Variants in PRKN observed in about 807,000 individuals in gnomAD.
PRKN encodes the protein E3 ubiquitin-protein ligase parkin.
A neutral mutation model predicts 59.5 loss-of-function variants in PRKN; 56 were observed. That is an observed-to-expected ratio of 0.94 (90% CI 0.76 to 1.18). The LOEUF (loss-of-function observed/expected upper bound fraction) is 1.18, where lower values mean the gene tolerates loss of function less well. Among genes scored for constraint, PRKN ranks in the 50% most tolerant of loss-of-function variants. PRKN has a pLI of 0.00. For missense variants in PRKN, 657 were observed against 596.4 expected, an observed-to-expected ratio of 1.10 and a Z score of -1.06; for synonymous variants, 250 against 222.1, an observed-to-expected ratio of 1.13 and a Z score of -1.12.
rs541122379 is a variant in PRKN, at chr6:161,916,348, T to C, written c.734+56954A>G. On this transcript the variant is annotated intron_variant, in intron 6 of 11. Transcript: ENST00000366898. The stretch of plus-strand genomic sequence containing the variant: ...AAAGACAATAAAAAATTTTTCTAAT[T>C]ACAGTATCATTCCATAAGTATACAA... 1.4e-4 allele frequency among the ~76,000 whole-genome samples: 22 copies of C among 152,330 alleles called. No homozygotes were observed. In the South Asian group the frequency reaches 4.6e-3, roughly 32 times the overall value.
chr6:162,644,943 G>C (rs1778108922), intron 1 of PRKN, among the ~76,000 whole-genome samples: 1 of 152,140 alleles, frequency 6.6e-6, no homozygotes, highest in Non-Finnish European at 1.5e-5. Context: ...GATGCATATA[G>C]AGAACTTAGC....
rs534978572 is a variant in PRKN, at chr6:161,354,889, C to T, written c.1286-4678G>A. Among the ~76,000 whole-genome samples, 21 of 152,272 alleles carry T rather than the reference C, an allele frequency of 1.4e-4. No individual in the cohort carries two copies. The South Asian group carries it at 3.7e-3, about 27-fold the overall frequency. ...ATCACAATATTTCCAAGAAATAGCC[C>T]GACAGGGAGAAACTTTCCTACAGTC... On this transcript the variant is annotated intron_variant, in intron 11 of 11. Coordinates refer to ENST00000366898, the MANE Select transcript of PRKN (RefSeq NM_004562.3). This position sits in a 1 kb window ranked among gnomAD's most constrained non-coding sequence, Gnocchi z 6.7.
chr6:162,025,040 G>C (rs1331490196), intron 5 of PRKN, among the ~76,000 whole-genome samples: 1 of 145,574 alleles, frequency 6.9e-6, no homozygotes, highest in East Asian at 2.0e-4. Flanking sequence ...TTTTGAGACG[G>C]AGTCTCGCTC....
chr6:161,951,917 T>TA (rs34079539), intron 6 of PRKN, among the ~76,000 whole-genome samples: 73 of 143,728 alleles, frequency 5.1e-4, no homozygotes, highest in East Asian at 1.4e-3. Flanking sequence ...GACTCCATCT[T>TA]AAAAAAAAAA....
At chr6:161,839,512 G>C (rs979622719) in intron 6 of PRKN, among the ~76,000 whole-genome samples, 1 of 152,106 alleles carries the variant, frequency 6.6e-6, no homozygotes, top group South Asian at 2.1e-4. Context: ...GCCCAGGAAA[G>C]TTCTGGCCCA....
intron 3 of PRKN, among the ~76,000 whole-genome samples, chr6:162,220,661 A>G (rs1456747375): frequency 6.6e-6 from 1 of 152,212 alleles, no homozygotes; most frequent in East Asian, 1.9e-4. Flanking sequence ...AACGAAAAAA[A>G]AGTCAAGATG....
rs561404600 is a variant in PRKN at position 161,538,177 on chromosome 6, C to T, written c.1083+10677G>A. ...ATAGGCCCGCTTGACAAATTACCTCCTAGAGTGCAAGAGTGAGGCTTATCT... is the reference window on the plus strand; with the variant it reads ...ATAGGCCCGCTTGACAAATTACCTCTTAGAGTGCAAGAGTGAGGCTTATCT... On this transcript the variant is annotated intron_variant, in intron 9 of 11. Coordinates refer to ENST00000366898, the MANE Select transcript of PRKN (RefSeq NM_004562.3). This position sits in a 1 kb window ranked among gnomAD's most constrained non-coding sequence, Gnocchi z 4.2. Among the ~76,000 whole-genome samples the T allele has an allele frequency of 3.9e-5, 6 of 152,128 alleles. No individual in the cohort carries two copies. Among genetic ancestry groups the T allele is most frequent in the Non-Finnish European group, 7.4e-5 (5 of 67,926 alleles).
chr6:161,658,015 CA>C (rs60685690), intron 7 of PRKN, among the ~76,000 whole-genome samples: 12,225 of 61,870 alleles, frequency 0.2, 1,187 homozygotes, highest in African/African-American at 0.39. Context: ...GACTCTGTCT[CA>C]AAAAAAAAAA....
At chr6:161,524,447 G>A (rs1188824015) in intron 9 of PRKN, among the ~76,000 whole-genome samples, 1 of 152,158 alleles carries the variant, frequency 6.6e-6, no homozygotes, top group African/African-American at 2.4e-5. Context: ...CTGGGCTCAA[G>A]TGATCCTCTT....
intron 1 of PRKN, among the ~76,000 whole-genome samples, chr6:162,667,765 A>C (rs1246859090): frequency 1.3e-5 from 2 of 152,122 alleles, no homozygotes; most frequent in African/African-American, 4.8e-5. Context: ...CACCACTTAG[A>C]GCTGAGTAAA....
chr6:162,103,690 G>C (rs1244996453), intron 4 of PRKN, among the ~76,000 whole-genome samples: 6 of 151,966 alleles, frequency 3.9e-5, no homozygotes, highest in Admixed American at 1.3e-4. Flanking sequence ...ATTGAAACTA[G>C]CACTCAGAGG....
chr6:162,296,133 G>A (rs1278275756), intron 2 of PRKN, among the ~76,000 whole-genome samples: 1 of 151,968 alleles, frequency 6.6e-6, no homozygotes, highest in Non-Finnish European at 1.5e-5. Context: ...ACAGTAAATG[G>A]GTAAAAAGAA....
rs746811308 is a variant in PRKN at position 162,522,222 on chromosome 6, C to G, written c.8-78749G>C. 4.1e-4 allele frequency among the ~76,000 whole-genome samples: 63 copies of G among 152,212 alleles called. 1 individual carries two copies. The highest frequency in any genetic ancestry group is 5.9e-4 in the Non-Finnish European group (40 of 68,042). On this transcript the variant is annotated intron_variant, in intron 1 of 11. Transcript: ENST00000366898. ...GACTGCAACCTCTGCCTCCCAGGCT[C>G]AAGCCATCCTCCAAACTCAGCCTCC...
At chr6:161,559,049 T>TACAAGACCTAA (rs1554276309) in intron 8 of PRKN, among the ~76,000 whole-genome samples, 76 of 117,248 alleles carry the variant, frequency 6.5e-4, no homozygotes, top group African/African-American at 2.2e-3. Flanking sequence ...AAACAAGACC[T>TACAAGACCTAA]AAAAAAAAAA....
intron 1 of PRKN, among the ~76,000 whole-genome samples, chr6:162,533,094 T>G (rs1269410465): frequency 6.6e-6 from 1 of 152,182 alleles, no homozygotes; most frequent in Non-Finnish European, 1.5e-5. Context: ...GCTCTCAAAT[T>G]CTTGTATCTG....
rs183150885 is a variant in PRKN at position 162,482,650 on chromosome 6, G to T, written c.8-39177C>A. 5.0e-3 allele frequency among the ~76,000 whole-genome samples: 765 copies of T among 152,172 alleles called. 6 individuals carry two copies. Among genetic ancestry groups the T allele is most frequent in the African/African-American group, 0.018 (736 of 41,530 alleles). On this transcript the variant is annotated intron_variant, in intron 1 of 11. Coordinates refer to ENST00000366898, the MANE Select transcript of PRKN (RefSeq NM_004562.3). ...TTAAAGCCTTCATATTAAAAACAAC[G>T]AAAGAAAAATACATGAACCAAGTAT...
At chr6:162,654,810 C>T (rs1391086792) in intron 1 of PRKN, among the ~76,000 whole-genome samples, 2 of 150,368 alleles carry the variant, frequency 1.3e-5, no homozygotes, top group East Asian at 2.0e-4. Context: ...TCTTTCTAAA[C>T]AAGGCGGCAC....
Position 161,462,774 on chromosome 6 carries a change from A to C in PRKN, c.1084-75897T>G, listed in dbSNP as rs775685281. ...TTCTCTGGAGAACGGTAGCAATAAA[A>C]ACACACAGAATACACTTTCATCCCA... is the stretch of plus-strand genomic sequence containing the variant. On this transcript the variant is annotated intron_variant, in intron 9 of 11. Coordinates refer to ENST00000366898, the MANE Select transcript of PRKN (RefSeq NM_004562.3). The surrounding 1 kb of genome is among the most constrained non-coding windows in gnomAD (Gnocchi z 4.5). 6.6e-6 allele frequency among the ~76,000 whole-genome samples: 1 copy of C among 152,220 alleles called. No homozygotes were observed. Among genetic ancestry groups the C allele is most frequent in the Non-Finnish European group, 1.5e-5 (1 of 68,040 alleles).
intron 1 of PRKN, among the ~76,000 whole-genome samples, chr6:162,616,545 A>T (rs1044094603): frequency 3.3e-5 from 5 of 152,294 alleles, no homozygotes; most frequent in Admixed American, 3.3e-4. Context: ...CCCCCGTAAT[A>T]TAACTCACTA....
Sources: gnomAD v4.1 joint callset for allele counts (sites outside exome capture counted in the v4.1 genomes callset) on GRCh38, gnomAD v4.1.1 for gene constraint, Gnocchi (gnomAD v3.1) non-coding constraint, MANE v1.5 for transcripts, NCBI Gene and HGNC (gene_info 2026-07-23, HGNC 2026-07-21) for gene names.